The following TAFA5 variants were observed in gnomAD, a reference collection of about 807,000 sequenced individuals.
TAFA5 encodes the protein chemokine-like protein TAFA-5.
A neutral mutation model predicts 15.3 loss-of-function variants in TAFA5; 6 were observed. That is an observed-to-expected ratio of 0.39 (90% CI 0.21 to 0.77). The LOEUF is 0.77. Ranked by LOEUF, TAFA5 falls within the 30% of genes least tolerant of loss-of-function variation. The pLI, the probability that TAFA5 is intolerant of heterozygous loss-of-function variation, is 0.41. For synonymous variants in TAFA5, 103 were observed against 80.7 expected (o/e 1.28, Z -1.48); for missense variants, 161 against 193.1 (o/e 0.83, Z 0.98).
At chr22:48,627,073 T>C (rs1156980378) in intron 1 of TAFA5, among the ~76,000 whole-genome samples, 1 of 152,196 alleles carries the variant, frequency 6.6e-6, no homozygotes, top group Non-Finnish European at 1.5e-5. Flanking sequence ...CAGCTTCCTC[T>C]GTTTCCTGTA....
chr22:48,555,160 CAG>C (rs1192445465), intron 1 of TAFA5, among the ~76,000 whole-genome samples: 1 of 152,228 alleles, frequency 6.6e-6, no homozygotes, highest in Non-Finnish European at 1.5e-5. Flanking sequence ...GCCTGGCACA[CAG>C]GGGCTCCGTG....
At chr22:48,623,869 C>T (rs1925938521) in intron 1 of TAFA5, among the ~76,000 whole-genome samples, 1 of 152,230 alleles carries the variant, frequency 6.6e-6, no homozygotes, top group African/African-American at 2.4e-5. Context: ...ATATACTATG[C>T]ACCTACTTTT....
chr22:48,513,654 G>A (rs748930682), intron 1 of TAFA5, among the ~76,000 whole-genome samples: 3 of 152,256 alleles, frequency 2.0e-5, no homozygotes, highest in East Asian at 1.9e-4. Context: ...CCCAGAGCCC[G>A]CGTCTGCCCT....
chr22:48,537,848 T>G (rs1166856180), intron 1 of TAFA5, among the ~76,000 whole-genome samples: 1 of 152,186 alleles, frequency 6.6e-6, no homozygotes, highest in Non-Finnish European at 1.5e-5. Flanking sequence ...GTACCCCTGG[T>G]TTCCTGAGGC....
intron 2 of TAFA5, among the ~76,000 whole-genome samples, chr22:48,650,178 T>C (rs1426001292): frequency 6.6e-6 from 1 of 152,158 alleles, no homozygotes; most frequent in Non-Finnish European, 1.5e-5. Flanking sequence ...GGGTCGGTGT[T>C]GGAATTGAAT....
chr22:48,499,780 C>T (rs1045281298), intron 1 of TAFA5, among the ~76,000 whole-genome samples: 9 of 152,222 alleles, frequency 5.9e-5, no homozygotes, highest in Non-Finnish European at 1.2e-4. Flanking sequence ...GTCTTCCTCC[C>T]CTCTTTTTAG....
chr22:48,629,646 C>T (rs1259115693), intron 1 of TAFA5, among the ~76,000 whole-genome samples: 2 of 152,228 alleles, frequency 1.3e-5, no homozygotes, highest in Non-Finnish European at 1.5e-5. Context: ...CCTCAGGGGA[C>T]ATTTGATGAT....
chr22:48,657,653 C>T (rs369981780), intron 2 of TAFA5, among the ~76,000 whole-genome samples: 8 of 152,164 alleles, frequency 5.3e-5, no homozygotes, highest in Admixed American at 4.6e-4. Flanking sequence ...CCCTGAGGCA[C>T]GTGTCTCTCC....
chr22:48,604,331 C>T (rs1023881993), intron 1 of TAFA5, among the ~76,000 whole-genome samples: 2 of 152,244 alleles, frequency 1.3e-5, no homozygotes, highest in Admixed American at 1.3e-4. Context: ...GTGACATGGG[C>T]ATGTCACCAC....
chr22:48,688,988 C>T (rs1182458789), intron 2 of TAFA5, among the ~76,000 whole-genome samples: 1 of 98,788 alleles, frequency 1.0e-5, no homozygotes, highest in Non-Finnish European at 1.9e-5. Flanking sequence ...CAAGACTTGT[C>T]TCGGAAAAAA....
rs376463103 is a variant in TAFA5 at position 48,749,912 on chromosome 22, A to G, written c.*65A>G. The G allele has an allele frequency of 2.6e-4, 375 of 1,424,900 alleles. 1 individual carries two copies. The African/African-American group carries it at 4.8e-3, about 18-fold the overall frequency. 88.3% of individuals were successfully genotyped at this position (1,424,900 alleles called of 1,614,324 possible). On this transcript the variant is annotated 3_prime_UTR_variant, in exon 4 of 4. Coordinates refer to ENST00000402357, the MANE Select transcript of TAFA5 (RefSeq NM_001082967.3). ...TCCCTGGAGAGCCCACGTCTCAGCC[A>G]CAGTTCTCCACTCGCCTCGGACTTC... is the stretch of plus-strand genomic sequence containing the variant.
At chr22:48,725,316 C>G (rs933517406) in intron 3 of TAFA5, among the ~76,000 whole-genome samples, 2 of 151,928 alleles carry the variant, frequency 1.3e-5, no homozygotes, top group African/African-American at 4.8e-5. Flanking sequence ...TTTTTTTAAG[C>G]CTCAAAGTCA....
intron 1 of TAFA5, among the ~76,000 whole-genome samples, chr22:48,564,715 GT>G (rs1471361094): frequency 9.2e-5 from 14 of 152,242 alleles, no homozygotes; most frequent in African/African-American, 3.4e-4. Context: ...GGCTCCAGCG[GT>G]TGGAGAAAGC....
chr22:48,496,731 G>A (rs915661375), intron 1 of TAFA5, among the ~76,000 whole-genome samples: 2 of 152,190 alleles, frequency 1.3e-5, no homozygotes, highest in Admixed American at 6.5e-5. Flanking sequence ...AGGGAGAGTT[G>A]TGAAGGGCAG....
At chr22:48,642,535 C>T (rs374738377) in intron 1 of TAFA5, among the ~76,000 whole-genome samples, 6 of 152,158 alleles carry the variant, frequency 3.9e-5, no homozygotes, top group South Asian at 2.1e-4. Flanking sequence ...CACTCGGAGC[C>T]GGACCACTGA....
intron 3 of TAFA5, among the ~76,000 whole-genome samples, chr22:48,741,601 G>A (rs961228060): frequency 6.6e-6 from 1 of 152,200 alleles, no homozygotes; most frequent in African/African-American, 2.4e-5. Flanking sequence ...GATCCTTGGG[G>A]TCCAGGGTCC....
intron 3 of TAFA5, among the ~76,000 whole-genome samples, chr22:48,708,827 G>A (rs1002506351): frequency 6.6e-6 from 1 of 152,226 alleles, no homozygotes; most frequent in Non-Finnish European, 1.5e-5. Flanking sequence ...GGGGGCTGCA[G>A]CTCCTCACAC....
At chr22:48,522,839 AG>A (rs1921651696) in intron 1 of TAFA5, among the ~76,000 whole-genome samples, 1 of 152,188 alleles carries the variant, frequency 6.6e-6, no homozygotes, top group Non-Finnish European at 1.5e-5. Flanking sequence ...TCTGGCTGGG[AG>A]GCCTCCCTAC....
chr22:48,573,099 G>T (rs2147139410), intron 1 of TAFA5, among the ~76,000 whole-genome samples: 1 of 152,322 alleles, frequency 6.6e-6, no homozygotes, highest in Middle Eastern at 3.4e-3. Flanking sequence ...AGCTACACTA[G>T]CCTTAAAGCA....
Sources: allele counts gnomAD v4.1 joint callset (sites outside exome capture counted in the v4.1 genomes callset), GRCh38; gene constraint gnomAD v4.1.1; transcripts MANE v1.5; gene names NCBI Gene and HGNC (gene_info 2026-07-23, HGNC 2026-07-21).